ODF2L: variants seen among roughly 807,000 people sequenced by gnomAD.
The protein encoded by ODF2L is protein BCAP.
ODF2L carries 76 observed loss-of-function variants against 86.3 expected under a neutral mutation model. The ratio of observed to expected loss-of-function variants is 0.88; its 90% CI spans 0.73 to 1.07. ODF2L has a LOEUF of 1.07. ODF2L is among the 50% of genes least tolerant of loss of function. ODF2L has a pLI of 0.00. For missense variants in ODF2L, 748 were observed against 717.4 expected (o/e 1.04, Z -0.49); for synonymous variants, 241 against 231.3 (o/e 1.04, Z -0.38).
chr1:86,355,501 A>G (rs1446159867), intron 14 of ODF2L: 2 of 589,310 alleles, frequency 3.4e-6, no homozygotes, highest in Non-Finnish European at 5.8e-6. Context: ...ATCTCTTCTC[A>G]GGAATTTAAA....
At chr1:86,370,910 A>G in intron 10 of ODF2L, 108 bp downstream of exon 10, 1 of 602,296 alleles carries the variant, frequency 1.7e-6, no homozygotes, top group Non-Finnish European at 2.7e-6. Flanking sequence ...AGAAGACAGA[A>G]TTATACAAGA....
chr1:86,382,099 T>A, intron 7 of ODF2L, 143 bp downstream of exon 7: 1 of 1,176,516 alleles, frequency 8.5e-7, no homozygotes, highest in Non-Finnish European at 1.1e-6. Context: ...CCACAAATAT[T>A]AAGATTTACC....
intron 2 of ODF2L, 147 bp from the exon 3 acceptor site, chr1:86,385,737 A>G (rs1407719): frequency 0.33 from 166,929 of 504,908 alleles, 28,373 homozygotes; most frequent in East Asian, 0.38. Flanking sequence ...CTTTGAGTGT[A>G]AGCAAATTTT....
chr1:86,377,238 A>C (rs926144629), intron 7 of ODF2L, among the ~76,000 whole-genome samples: 7 of 152,182 alleles, frequency 4.6e-5, no homozygotes, highest in African/African-American at 1.7e-4. Flanking sequence ...TCCATGTTTC[A>C]CATCTAGGTC....
intron 13 of ODF2L, among the ~76,000 whole-genome samples, chr1:86,357,026 C>G (rs932133065): frequency 3.3e-5 from 5 of 152,168 alleles, no homozygotes; most frequent in African/African-American, 1.2e-4. Context: ...TAAATTAGAG[C>G]AGCTTGCTTC....
In ODF2L at chr1:86,356,617, T is replaced by G. The variant is rs777941255; in HGVS notation, c.1360-15A>C. 6.2e-7 allele frequency: 1 copy of G among 1,607,152 alleles called. No individual in the cohort carries two copies. Among genetic ancestry groups the G allele is most frequent in the South Asian group, 1.1e-5 (1 of 90,124 alleles). Reference sequence around the variant, plus strand: ...TGGCCTCTCATCTGAGTTGTGGCAGTAGGGAAATAAGTGCAAGATCACACA... The same window carrying G: ...TGGCCTCTCATCTGAGTTGTGGCAGGAGGGAAATAAGTGCAAGATCACACA... On this transcript the variant is annotated splice_polypyrimidine_tract_variant and intron_variant, in intron 13 of 17. Coordinates refer to ENST00000317336, the Ensembl canonical transcript of ODF2L.
chr1:86,351,980 T>C (rs1402496551), exon 18 of ODF2L: 2 of 1,273,290 alleles, frequency 1.6e-6, no homozygotes, highest in African/African-American at 3.1e-5. Flanking sequence ...CATTTTACAA[T>C]ATCAGAAAGT....
chr1:86,368,819 A>C (rs1659615158), intron 10 of ODF2L: 1 of 1,045,568 alleles, frequency 9.6e-7, no homozygotes, highest in Non-Finnish European at 1.3e-6. Flanking sequence ...CTGAATGTCC[A>C]ACAAATAGGG....
At chr1:86,377,779 C>T (rs1340338912) in intron 7 of ODF2L, among the ~76,000 whole-genome samples, 1 of 152,246 alleles carries the variant, frequency 6.6e-6, no homozygotes, top group African/African-American at 2.4e-5. Context: ...AGCAGCAAGG[C>T]TCTGGGCCCA....
intron 7 of ODF2L, among the ~76,000 whole-genome samples, chr1:86,381,230 A>G (rs1237169401): frequency 6.6e-6 from 1 of 152,144 alleles, no homozygotes; most frequent in African/African-American, 2.4e-5. Context: ...TCATGGTTAT[A>G]AAAAATAACC....
intron 1 of ODF2L, among the ~76,000 whole-genome samples, chr1:86,388,225 G>A (rs1570437092): frequency 6.6e-6 from 1 of 151,886 alleles, no homozygotes; most frequent in Non-Finnish European, 1.5e-5. Flanking sequence ...ACAATATTTC[G>A]AGCTATCTAT....
At chr1:86,354,671 T>C in exon 16 of ODF2L, 1 of 1,610,038 alleles carries the variant, frequency 6.2e-7, no homozygotes, top group Non-Finnish European at 8.5e-7. Flanking sequence ...CTTTATTTTC[T>C]GCGTCCATCT....
chr1:86,361,953 A>G (rs1391662785), intron 11 of ODF2L, among the ~76,000 whole-genome samples: 3 of 152,212 alleles, frequency 2.0e-5, no homozygotes, highest in Non-Finnish European at 4.4e-5. Flanking sequence ...AAGCAGTAAA[A>G]TACATCAAAC....
In ODF2L at chr1:86,358,130, G is replaced by A. The variant is rs949663590; in HGVS notation, c.1359+657C>T. ...CCTAAGATAGGGAGCAACCCAGAGA[G>A]AGTAACCTTATTAGATTCAGATGGA... On this transcript the variant is annotated intron_variant, in intron 13 of 17. Transcript: ENST00000317336. 3 of 979,492 alleles carry A rather than the reference G, an allele frequency of 3.1e-6. No individual in the cohort carries two copies. The African/African-American group carries it at 5.3e-5, about 17-fold the overall frequency. 60.7% of individuals were successfully genotyped at this position (979,492 alleles called of 1,614,324 possible). A position where few individuals can be genotyped will look rare whatever the true frequency, so the allele number is the denominator to read the frequency against.
exon 4 of ODF2L, chr1:86,384,686 T>G: frequency 6.8e-7 from 1 of 1,479,438 alleles, no homozygotes; most frequent in South Asian, 1.4e-5. Flanking sequence ...TTGTTTGTAG[T>G]CTCTCTTTCT....
At chr1:86,394,241 C>A (rs1661539398) in intron 1 of ODF2L, among the ~76,000 whole-genome samples, 1 of 152,086 alleles carries the variant, frequency 6.6e-6, no homozygotes, top group South Asian at 2.1e-4. Flanking sequence ...GATGGTGAAA[C>A]CGCATCTCTA....
chr1:86,372,519 T>C, exon 9 of ODF2L: 1 of 1,517,968 alleles, frequency 6.6e-7, no homozygotes, highest in Non-Finnish European at 8.8e-7. Context: ...GAAGCTGAAA[T>C]TGTTTCAGAC....
At chr1:86,386,950 ATCT>A (rs756191189) in exon 2 of ODF2L, 26 of 1,597,648 alleles carry the variant, frequency 1.6e-5, no homozygotes, top group Middle Eastern at 1.7e-4. Context: ...ACCGTGGTAA[ATCT>A]TCTTTCTCTG....
exon 3 of ODF2L, chr1:86,385,540 T>G (rs1282905663): frequency 1.2e-6 from 2 of 1,609,736 alleles, no homozygotes; most frequent in African/African-American, 1.3e-5. Flanking sequence ...CTCCGCTTCC[T>G]TAAGTGTTGC....
Sources: allele counts gnomAD v4.1 joint callset (sites outside exome capture counted in the v4.1 genomes callset), GRCh38; gene constraint gnomAD v4.1.1; transcripts MANE v1.5; gene names NCBI Gene and HGNC (gene_info 2026-07-23, HGNC 2026-07-21).